Variants in PTPRT observed in about 807,000 individuals in gnomAD.
PTPRT encodes protein tyrosine phosphatase receptor type T.
PTPRT carries 56 observed loss-of-function variants against 176.8 expected under a neutral mutation model. The ratio of observed to expected loss-of-function variants is 0.32; its 90% CI spans 0.26 to 0.40. PTPRT has a LOEUF of 0.40. Among genes scored for constraint, PTPRT ranks in the 10% least tolerant of loss-of-function variants. The probability of loss-of-function intolerance (pLI) is 1.00; values close to 1 mark genes in which losing one functional copy is unlikely to be tolerated. For synonymous variants in PTPRT, 783 were observed against 739.0 expected (o/e 1.06, Z -0.96); for missense variants, 1,540 against 1,908.2 (o/e 0.81, Z 3.60).
chr20:42,324,856 G>C (rs1360799696), intron 11 of PTPRT, among the ~76,000 whole-genome samples: 1 of 152,158 alleles, frequency 6.6e-6, no homozygotes, highest in African/African-American at 2.4e-5. Context: ...ATAGCTCGCA[G>C]AGGAGACAAG....
chr20:42,645,437 GC>G (rs1314547606), intron 7 of PTPRT, among the ~76,000 whole-genome samples: 1 of 152,146 alleles, frequency 6.6e-6, no homozygotes, highest in East Asian at 1.9e-4. Flanking sequence ...ATGGTAACCT[GC>G]CCATTAACAC....
At chr20:42,878,793 C>A (rs2078971508) in intron 2 of PTPRT, among the ~76,000 whole-genome samples, 1 of 152,124 alleles carries the variant, frequency 6.6e-6, no homozygotes, top group Non-Finnish European at 1.5e-5. Context: ...CTTTGGGAGG[C>A]CGAGGTGGGC....
At chr20:42,045,192 A>G in the PTPRT span, among the ~76,000 whole-genome samples, 5 of 152,142 alleles carry the variant, frequency 3.3e-5, no homozygotes, top group Non-Finnish European at 5.9e-5. Context: ...TCCAGGGATT[A>G]GGACATAGAC....
intron 6 of PTPRT, among the ~76,000 whole-genome samples, chr20:42,745,008 C>T (rs762413641): frequency 6.6e-6 from 1 of 152,024 alleles, no homozygotes; most frequent in Non-Finnish European, 1.5e-5. Flanking sequence ...GCTTTATTGG[C>T]CTGAAAGGTA....
intron 1 of PTPRT, among the ~76,000 whole-genome samples, chr20:42,955,879 G>C (rs933811926): frequency 6.6e-6 from 1 of 151,316 alleles, no homozygotes; most frequent in Admixed American, 6.6e-5. Context: ...GAGGGAGGGA[G>C]GATGAACCTA....
intron 7 of PTPRT, among the ~76,000 whole-genome samples, chr20:42,600,312 G>T (rs907661958): frequency 1.3e-5 from 2 of 152,016 alleles, no homozygotes; most frequent in African/African-American, 4.8e-5. Context: ...GCTAATTTTT[G>T]TATTTTTAGT....
chr20:42,554,512 A>G (rs6016825), intron 7 of PTPRT, among the ~76,000 whole-genome samples: 79,405 of 151,926 alleles, frequency 0.52, 21,365 homozygotes, highest in African/African-American at 0.64. Context: ...CCAATTGCCT[A>G]CAAGAGTAAC....
At chr20:42,591,562 A>C (rs2073575187) in intron 7 of PTPRT, among the ~76,000 whole-genome samples, 1 of 152,210 alleles carries the variant, frequency 6.6e-6, no homozygotes, top group Non-Finnish European at 1.5e-5. Flanking sequence ...ACTGGGGGGA[A>C]GTAGAGCAGG....
intron 1 of PTPRT, among the ~76,000 whole-genome samples, chr20:42,898,739 C>T (rs959957615): frequency 6.6e-6 from 1 of 152,286 alleles, no homozygotes; most frequent in African/African-American, 2.4e-5. Flanking sequence ...TCACGGGCCC[C>T]AGCCTTCCCA....
chr20:42,874,816 A>C (rs773294359), intron 2 of PTPRT, among the ~76,000 whole-genome samples: 1 of 152,204 alleles, frequency 6.6e-6, no homozygotes, highest in Admixed American at 6.5e-5. Flanking sequence ...TGGTATACAC[A>C]TGTTAGGTTA....
chr20:42,416,710 G>A (rs1166478517), intron 9 of PTPRT, among the ~76,000 whole-genome samples: 2 of 152,142 alleles, frequency 1.3e-5, no homozygotes, highest in African/African-American at 4.8e-5. Context: ...CCAATAATAG[G>A]GGATTGGGTA....
chr20:42,229,421 A>G (rs2056087811), intron 15 of PTPRT, among the ~76,000 whole-genome samples: 2 of 152,206 alleles, frequency 1.3e-5, no homozygotes. Flanking sequence ...GCAACTTTAA[A>G]TGGTTTTCTT....
At chr20:42,465,869 C>T (rs988046891) in intron 8 of PTPRT, among the ~76,000 whole-genome samples, 1 of 152,084 alleles carries the variant, frequency 6.6e-6, no homozygotes, top group South Asian at 2.1e-4. Flanking sequence ...ACCTATCAAC[C>T]CATCACCTAG....
At chr20:42,251,865 G>A (rs1166103283) in intron 13 of PTPRT, among the ~76,000 whole-genome samples, 1 of 152,160 alleles carries the variant, frequency 6.6e-6, no homozygotes, top group Non-Finnish European at 1.5e-5. Context: ...TTTAACCAAA[G>A]GAAGACAGGG....
chr20:42,096,460 G>A (rs936234739), intron 27 of PTPRT, among the ~76,000 whole-genome samples: 5 of 152,052 alleles, frequency 3.3e-5, no homozygotes, highest in South Asian at 2.1e-4. Context: ...AAAATTAGTC[G>A]GGCATGTTGG....
chr20:42,811,500 C>A (rs2077697345), intron 2 of PTPRT, among the ~76,000 whole-genome samples: 1 of 152,198 alleles, frequency 6.6e-6, no homozygotes, highest in South Asian at 2.1e-4. Flanking sequence ...GAGATACTTA[C>A]CCAAAGATCT....
the PTPRT span, among the ~76,000 whole-genome samples, chr20:42,056,881 G>T: frequency 6.6e-6 from 1 of 152,136 alleles, no homozygotes; most frequent in Admixed American, 6.5e-5. Context: ...CTTGGAGGAG[G>T]TCTCTTTGGA....
At chr20:42,162,931 C>A (rs939884213) in intron 16 of PTPRT, among the ~76,000 whole-genome samples, 15 of 152,212 alleles carry the variant, frequency 9.9e-5, no homozygotes, top group Admixed American at 9.2e-4. Context: ...GAACACCTGA[C>A]CTTCCTGCTT....
chr20:43,010,081 C>T (rs1985042017), intron 1 of PTPRT, among the ~76,000 whole-genome samples: 1 of 152,174 alleles, frequency 6.6e-6, no homozygotes, highest in Non-Finnish European at 1.5e-5. Context: ...CTCACCAAGG[C>T]CTGCTGTGTC....
Sources: allele counts gnomAD v4.1 joint callset (sites outside exome capture counted in the v4.1 genomes callset), GRCh38; gene constraint gnomAD v4.1.1; transcripts MANE v1.5; gene names NCBI Gene and HGNC (gene_info 2026-07-23, HGNC 2026-07-21).